The following CCDC73 variants were observed in gnomAD, a reference collection of about 807,000 sequenced individuals.
CCDC73 encodes coiled-coil domain-containing protein 73.
A neutral mutation model predicts 116.5 loss-of-function variants in CCDC73; 95 were observed. That is an observed-to-expected ratio of 0.82 (90% CI 0.69 to 0.97). CCDC73 has a LOEUF of 0.97. CCDC73 is among the 50% of genes least tolerant of loss of function. The pLI is 0.00. For synonymous variants in CCDC73, 398 were observed against 401.3 expected (o/e 0.99, Z 0.10); for missense variants, 1,066 against 1,206.8 (o/e 0.88, Z 1.73).
At position 32,718,152 on chromosome 11, in the gene CCDC73, G is replaced by C. The variant is rs1849961517; in HGVS notation, c.136-5C>G. ...TTCATAATGAATTTCTGCTTCCTAAGTCAAAAAGAAAAAGAAAAGTGCTAT... is the reference window on the plus strand; with the variant it reads ...TTCATAATGAATTTCTGCTTCCTAACTCAAAAAGAAAAAGAAAAGTGCTAT... On this transcript the variant is annotated splice_region_variant and splice_polypyrimidine_tract_variant and intron_variant, in intron 2 of 17. Coordinates refer to ENST00000335185, the MANE Select transcript of CCDC73 (RefSeq NM_001008391.4). 6.3e-7 allele frequency: 1 copy of C among 1,582,016 alleles called. No homozygotes were observed. Among genetic ancestry groups the C allele is most frequent in the Non-Finnish European group, 8.6e-7 (1 of 1,164,374 alleles).
chr11:32,663,826 T>C (rs1855953866), intron 9 of CCDC73, among the ~76,000 whole-genome samples: 1 of 152,218 alleles, frequency 6.6e-6, no homozygotes, highest in Non-Finnish European at 1.5e-5. Flanking sequence ...TTGTCATAAA[T>C]AGCTCTTATT....
the CCDC73 span, among the ~76,000 whole-genome samples, chr11:32,813,678 A>G: frequency 6.6e-6 from 1 of 152,210 alleles, no homozygotes; most frequent in East Asian, 1.9e-4. Context: ...TTTAATCCTT[A>G]TAATTTGCAA....
At chr11:32,749,240 T>A (rs955717740) in intron 2 of CCDC73, among the ~76,000 whole-genome samples, 3 of 152,200 alleles carry the variant, frequency 2.0e-5, no homozygotes, top group Non-Finnish European at 4.4e-5. Flanking sequence ...TCTGACTGTA[T>A]ATTTTCAAAC....
intron 3 of CCDC73, among the ~76,000 whole-genome samples, chr11:32,713,901 AC>A (rs1849922488): frequency 6.6e-6 from 1 of 152,016 alleles, no homozygotes; most frequent in South Asian, 2.1e-4. Context: ...GTCCCTATAA[AC>A]ACTTTCAAAT....
intron 1 of CCDC73, among the ~76,000 whole-genome samples, chr11:32,767,072 A>G (rs931824386): frequency 2.6e-5 from 4 of 152,232 alleles, no homozygotes; most frequent in Non-Finnish European, 5.9e-5. Context: ...TTCAAACTAT[A>G]CTACAAGGCT....
chr11:32,639,447 C>CT (rs964018480), intron 13 of CCDC73, among the ~76,000 whole-genome samples: 1 of 150,892 alleles, frequency 6.6e-6, no homozygotes, highest in African/African-American at 2.4e-5. Context: ...GAATTGAATT[C>CT]TTTTTTTTCC....
Position 32,607,096 on chromosome 11 carries a change from T to G in CCDC73, c.3030+4036A>C, listed in dbSNP as rs1333521096. Among the ~76,000 whole-genome samples, 120 of 126,756 alleles carry G rather than the reference T, an allele frequency of 9.5e-4. 1 individual carries two copies. Among genetic ancestry groups the G allele is most frequent in the Admixed American group, 1.0e-3 (13 of 12,826 alleles). 83.2% of individuals were successfully genotyped at this position (126,756 alleles called of 152,430 possible). ...CAAAAATAAATTTTTTTTTTTTTTT[T>G]TTTTTTTTTTTTTTGAGACGGAGTC... On this transcript the variant is annotated intron_variant, in intron 17 of 17. Transcript: ENST00000335185.
chr11:32,711,761 AAAAAAC>A (rs1211458438), intron 3 of CCDC73, among the ~76,000 whole-genome samples: 3 of 152,182 alleles, frequency 2.0e-5, no homozygotes, highest in East Asian at 1.9e-4. Flanking sequence ...AACCTATTGA[AAAAAAC>A]AAAAACAAAA....
At position 32,613,839 on chromosome 11, in the gene CCDC73, A is replaced by G. The variant is rs777597175; in HGVS notation, c.2479T>C (p.Phe827Leu). 5 of 1,613,708 alleles carry G rather than the reference A, an allele frequency of 3.1e-6. No homozygotes were observed. The highest frequency in any genetic ancestry group is 2.2e-5 in the East Asian group (1 of 44,870). Reference sequence around the variant, plus strand: ...CTTTCATTAATGCTCACAAAAAGGAAGAGGTCATTTTTTGTGGCTTCAGTT... The same window carrying G: ...CTTTCATTAATGCTCACAAAAAGGAGGAGGTCATTTTTTGTGGCTTCAGTT... ...QVTEATKNDLFLFVSINERQH... is the reference protein window; with the variant it reads ...QVTEATKNDLLLFVSINERQH... Residue 827 changes from phenylalanine (F) to leucine (L), a missense_variant, in exon 16 of 18, where the codon TTC becomes CTC. Physicochemically the swap from Phe to Leu is conservative, Grantham distance 22 (BLOSUM62 0). Transcript: ENST00000335185.
chr11:32,610,189 T>C (rs1855407656), intron 17 of CCDC73, among the ~76,000 whole-genome samples: 1 of 152,146 alleles, frequency 6.6e-6, no homozygotes, highest in Admixed American at 6.5e-5. Flanking sequence ...ATTTATTCAC[T>C]GTCATGAGAA....
chr11:32,697,342 T>C (rs1856320650), intron 6 of CCDC73, among the ~76,000 whole-genome samples: 1 of 152,034 alleles, frequency 6.6e-6, no homozygotes, highest in African/African-American at 2.4e-5. Context: ...GTATAATAAT[T>C]CAATAACATA....
At chr11:32,649,715 A>G (rs867057676) in intron 12 of CCDC73, among the ~76,000 whole-genome samples, 13 of 152,306 alleles carry the variant, frequency 8.5e-5, no homozygotes, top group Admixed American at 2.0e-4. Context: ...ATGGCAAAAA[A>G]TGTCAATATA....
chr11:32,812,121 T>C, the CCDC73 span, among the ~76,000 whole-genome samples: 1 of 152,206 alleles, frequency 6.6e-6, no homozygotes, highest in East Asian at 1.9e-4. Context: ...ACAATTTTCC[T>C]CCACTTAGCA....
At chr11:32,659,254 G>A (rs759734457) in intron 9 of CCDC73, among the ~76,000 whole-genome samples, 55 of 152,088 alleles carry the variant, frequency 3.6e-4, no homozygotes, top group South Asian at 1.2e-3. Flanking sequence ...ATGGGAGAGT[G>A]AAGAACCCAA....
intron 6 of CCDC73, among the ~76,000 whole-genome samples, chr11:32,686,104 C>G (rs1437096632): frequency 6.8e-6 from 1 of 146,818 alleles, no homozygotes; most frequent in Non-Finnish European, 1.5e-5. Flanking sequence ...ACTTAATAAG[C>G]TACTGCAATA....
At chr11:32,635,495 T>C (rs552514518) in intron 14 of CCDC73, among the ~76,000 whole-genome samples, 1 of 152,210 alleles carries the variant, frequency 6.6e-6, no homozygotes, top group Non-Finnish European at 1.5e-5. Context: ...GCTGGGACAA[T>C]TGGAAATTCA....
intron 14 of CCDC73, among the ~76,000 whole-genome samples, chr11:32,625,667 G>T (rs1016320540): frequency 6.6e-6 from 1 of 151,996 alleles, no homozygotes; most frequent in African/African-American, 2.4e-5. Flanking sequence ...ATGCAAGGCT[G>T]GTTCAACATA....
At chr11:32,636,296 TC>T (rs1226386017) in intron 13 of CCDC73, among the ~76,000 whole-genome samples, 1 of 152,182 alleles carries the variant, frequency 6.6e-6, no homozygotes, top group African/African-American at 2.4e-5. Flanking sequence ...TCCATTGTTT[TC>T]TTAAAGTTTA....
At chr11:32,715,404 T>G (rs1401376014) in intron 3 of CCDC73, among the ~76,000 whole-genome samples, 2 of 152,110 alleles carry the variant, frequency 1.3e-5, no homozygotes, top group African/African-American at 4.8e-5. Context: ...TTCAGAAGTG[T>G]AACTTCTGGA....
Sources: gnomAD v4.1 joint callset for allele counts (sites outside exome capture counted in the v4.1 genomes callset) on GRCh38, gnomAD v4.1.1 for gene constraint, MANE v1.5 for transcripts, NCBI Gene and HGNC (gene_info 2026-07-23, HGNC 2026-07-21) for gene names.